Variants in SPON1 observed in about 807,000 individuals in gnomAD.
SPON1 encodes spondin 1.
A neutral mutation model predicts 111.7 loss-of-function variants in SPON1; 52 were observed. The ratio of observed to expected loss-of-function variants is 0.47; its 90% CI spans 0.37 to 0.59. The LOEUF (loss-of-function observed/expected upper bound fraction) is 0.59, where lower values mean the gene tolerates loss of function less well. SPON1 is among the 20% of genes least tolerant of loss of function. The pLI is 0.00. For synonymous variants in SPON1, 410 were observed against 395.8 expected, an observed-to-expected ratio of 1.04 and a Z score of -0.43; for missense variants, 957 against 1,068.5, an observed-to-expected ratio of 0.90 and a Z score of 1.46.
intron 6 of SPON1, among the ~76,000 whole-genome samples, chr11:14,201,009 G>T (rs1848456163): frequency 6.6e-6 from 1 of 151,852 alleles, no homozygotes; most frequent in Non-Finnish European, 1.5e-5. Context: ...ACCTCTCTGA[G>T]CCTCAGTTTC....
chr11:14,161,175 C>T (rs183826031), intron 6 of SPON1, among the ~76,000 whole-genome samples: 7 of 8,458 alleles, frequency 8.3e-4, no homozygotes, highest in Middle Eastern at 0.029. Flanking sequence ...ATCTATATAT[C>T]TATATATTTA....
intron 6 of SPON1, among the ~76,000 whole-genome samples, chr11:14,191,248 T>C (rs1285647035): frequency 2.0e-5 from 3 of 152,182 alleles, no homozygotes; most frequent in African/African-American, 7.2e-5. Flanking sequence ...GCCACGGCAG[T>C]GATGGAAGGT....
intron 7 of SPON1, among the ~76,000 whole-genome samples, chr11:14,254,132 G>C (rs1246341378): frequency 2.6e-5 from 4 of 152,214 alleles, no homozygotes; most frequent in African/African-American, 7.2e-5. Flanking sequence ...AGCCTTCTGA[G>C]GGCAATAGAA....
At chr11:14,000,705 A>G (rs1159469108) in intron 2 of SPON1, among the ~76,000 whole-genome samples, 2 of 151,962 alleles carry the variant, frequency 1.3e-5, no homozygotes, top group Admixed American at 6.6e-5. Flanking sequence ...ACATGGACCA[A>G]TATGAAGATA....
chr11:14,071,568 C>A (rs1591367608), intron 3 of SPON1, among the ~76,000 whole-genome samples: 1 of 152,158 alleles, frequency 6.6e-6, no homozygotes, highest in Admixed American at 6.5e-5. Context: ...TGTCCCCAAA[C>A]CCTGTTCCTT....
intron 5 of SPON1, among the ~76,000 whole-genome samples, chr11:14,091,318 C>G (rs926649043): frequency 4.6e-5 from 7 of 152,208 alleles, no homozygotes; most frequent in Admixed American, 2.0e-4. Flanking sequence ...AGTCCCGTGC[C>G]GAGCGCTGGC....
chr11:14,088,902 CCTT>C (rs1425573794), intron 5 of SPON1, among the ~76,000 whole-genome samples: 1 of 151,386 alleles, frequency 6.6e-6, no homozygotes, highest in Non-Finnish European at 1.5e-5. Context: ...ATCTGATATC[CCTT>C]CTTCTGCTTG....
chr11:14,068,362 C>T lies in SPON1; in HGVS notation c.480-6983C>T, dbSNP rs114887240. 7.9e-3 allele frequency among the ~76,000 whole-genome samples: 1,195 copies of T among 152,210 alleles called. 7 individuals are homozygous for T. The highest frequency in any genetic ancestry group is 0.027 in the African/African-American group (1,115 of 41,538). On this transcript the variant is annotated intron_variant, in intron 3 of 15. Coordinates refer to ENST00000576479, the MANE Select transcript of SPON1 (RefSeq NM_006108.4). ...CTTTGTAGTGTAACTTTGTGCAATGCGAATTGAGAGCTTGAGAAATCCAAT... is the reference window on the plus strand; with the variant it reads ...CTTTGTAGTGTAACTTTGTGCAATGTGAATTGAGAGCTTGAGAAATCCAAT...
chr11:14,046,546 T>G (rs782088951), intron 3 of SPON1, among the ~76,000 whole-genome samples: 10 of 152,236 alleles, frequency 6.6e-5, no homozygotes, highest in Non-Finnish European at 1.0e-4. Context: ...TGCAAAATTT[T>G]TATACAGGTC....
chr11:14,177,123 C>T (rs1848186084), intron 6 of SPON1, among the ~76,000 whole-genome samples: 1 of 152,200 alleles, frequency 6.6e-6, no homozygotes, highest in South Asian at 2.1e-4. Flanking sequence ...TCACTGCAAG[C>T]TCCGCTTCCC....
chr11:14,039,057 A>C (rs1848614467), intron 2 of SPON1, among the ~76,000 whole-genome samples: 1 of 152,238 alleles, frequency 6.6e-6, no homozygotes, highest in South Asian at 2.1e-4. Context: ...CAGAGAGGAA[A>C]CTTAAATGCA....
At chr11:14,038,490 A>G (rs1414429251) in intron 2 of SPON1, among the ~76,000 whole-genome samples, 1 of 152,094 alleles carries the variant, frequency 6.6e-6, no homozygotes, top group Non-Finnish European at 1.5e-5. Flanking sequence ...ACAAAACAAA[A>G]CAAACAACTC....
chr11:14,066,491 G>T (rs1323818388), intron 3 of SPON1, among the ~76,000 whole-genome samples: 13 of 151,930 alleles, frequency 8.6e-5, no homozygotes, highest in African/African-American at 3.1e-4. Context: ...TCCACAACCG[G>T]GACTACCTCC....
chr11:13,972,332 T>C (rs1848069911), intron 1 of SPON1, among the ~76,000 whole-genome samples: 1 of 152,230 alleles, frequency 6.6e-6, no homozygotes, highest in Non-Finnish European at 1.5e-5. Flanking sequence ...TGCTTCCCTC[T>C]TTAACCTAGA....
At chr11:14,239,865 C>T (rs1005046443) in intron 6 of SPON1, among the ~76,000 whole-genome samples, 1 of 152,146 alleles carries the variant, frequency 6.6e-6, no homozygotes, top group African/African-American at 2.4e-5. Context: ...GATAGTATCC[C>T]GTGTGCCCTA....
At chr11:14,109,201 C>T (rs1849208660) in intron 5 of SPON1, among the ~76,000 whole-genome samples, 1 of 152,118 alleles carries the variant, frequency 6.6e-6, no homozygotes, top group Admixed American at 6.5e-5. Flanking sequence ...CACTTGAACT[C>T]CTGGTCTCAG....
intron 6 of SPON1, among the ~76,000 whole-genome samples, chr11:14,182,182 C>T (rs1357464958): frequency 6.6e-6 from 1 of 152,158 alleles, no homozygotes; most frequent in Admixed American, 6.5e-5. Flanking sequence ...TGATACCTGT[C>T]CCTGAGACTA....
chr11:14,226,095 A>G (rs1554938111), intron 6 of SPON1, among the ~76,000 whole-genome samples: 1 of 152,216 alleles, frequency 6.6e-6, no homozygotes, highest in Non-Finnish European at 1.5e-5. Flanking sequence ...TTACAACTCT[A>G]AGTGTTTGAG....
At chr11:14,231,972 C>CATGTGT (rs1554938803) in intron 6 of SPON1, among the ~76,000 whole-genome samples, 1 of 149,418 alleles carries the variant, frequency 6.7e-6, no homozygotes, top group African/African-American at 2.5e-5. Context: ...CCTCCTACGC[C>CATGTGT]GTGTGTGTGT....
Sources: gnomAD v4.1 joint callset for allele counts (sites outside exome capture counted in the v4.1 genomes callset) on GRCh38, gnomAD v4.1.1 for gene constraint, MANE v1.5 for transcripts, NCBI Gene and HGNC (gene_info 2026-07-23, HGNC 2026-07-21) for gene names.